Variants in ZNF727 observed in about 807,000 individuals in gnomAD.
ZNF727 encodes zinc finger protein 727.
Under a neutral mutation model 11.5 loss-of-function variants are expected in ZNF727, and 11 were observed. That is an observed-to-expected ratio of 0.95 (90% CI 0.60 to 1.58). The LOEUF (loss-of-function observed/expected upper bound fraction) is 1.58. Among genes scored for constraint, ZNF727 ranks in the 40% most tolerant of loss-of-function variants. The pLI is 0.00. For missense variants in ZNF727, 533 were observed against 581.7 expected, an observed-to-expected ratio of 0.92 and a Z score of 0.86; for synonymous variants, 171 against 196.1, an observed-to-expected ratio of 0.87 and a Z score of 1.07.
In ZNF727 at chr7:64,078,221, C is replaced by T; in HGVS notation, c.1172C>T (p.Thr391Ile). Residue 391 changes from threonine to isoleucine, a missense_variant, in exon 4 of 4, where the codon ACT becomes ATT. Thr to Ile is a moderately conservative substitution (Grantham distance 89). Coordinates refer to ENST00000456806, the MANE Select transcript of ZNF727 (RefSeq NM_001159522.3). The part of the protein sequence containing the change: ...SDLTNHKRIH[T>I]GEKPYKCEEC... ...CTGACTAATCATAAGAGAATTCACA[C>T]TGGAGAGAAACCCTACAAATGTGAA... The T allele has an allele frequency of 1.2e-6, 2 of 1,606,454 alleles. No homozygotes were observed. The highest frequency in any genetic ancestry group is 1.7e-6 in the Non-Finnish European group (2 of 1,176,124).
rs1385989414 is a variant in ZNF727 at position 64,078,351 on chromosome 7, G to A, written c.1302G>A (p.Lys434=). 6.3e-7 allele frequency: 1 copy of A among 1,577,472 alleles called. No homozygotes were observed. Among genetic ancestry groups the A allele is most frequent in the South Asian group, 1.2e-5 (1 of 86,920 alleles). Residue 434 remains lysine, a synonymous_variant, in exon 4 of 4, where the codon AAG becomes AAA. Coordinates refer to ENST00000456806, the MANE Select transcript of ZNF727 (RefSeq NM_001159522.3). ...YKCEECGKTF[K]WFPDLTNHKR... is the part of the protein sequence containing the mutation. ...GTGAAGAATGTGGCAAAACCTTTAA[G>A]TGGTTCCCAGACCTGACTAATCATA... is the stretch of plus-strand genomic sequence containing the variant.
rs181266494 is a variant in ZNF727, at chr7:64,084,660, A to G, written c.*6111A>G. ...ATATGTTTCTGAATTCTGAACAACT[A>G]TTTACAAAATTTTATCCTACTTTTT... On this transcript the variant is annotated 3_prime_UTR_variant, in exon 4 of 4. Transcript: ENST00000456806. Among the ~76,000 whole-genome samples, 68 of 152,286 alleles carry G rather than the reference A, an allele frequency of 4.5e-4. No individual in the cohort carries two copies. Among genetic ancestry groups the G allele is most frequent in the Non-Finnish European group, 7.6e-4 (52 of 67,990 alleles).
intron 1 of ZNF727, among the ~76,000 whole-genome samples, chr7:64,068,329 G>A (rs1375196642): frequency 6.6e-6 from 1 of 152,084 alleles, no homozygotes; most frequent in Non-Finnish European, 1.5e-5. Flanking sequence ...GGAAAGTGAA[G>A]GCTCTCATCT....
intron 3 of ZNF727, among the ~76,000 whole-genome samples, chr7:64,075,064 A>T (rs1039880133): frequency 6.6e-6 from 1 of 152,128 alleles, no homozygotes; most frequent in Non-Finnish European, 1.5e-5. Context: ...GATAATTAAT[A>T]GGCACACCAT....
At chr7:64,073,189 C>T (rs1286754936) in intron 3 of ZNF727, among the ~76,000 whole-genome samples, 1 of 151,174 alleles carries the variant, frequency 6.6e-6, no homozygotes, top group East Asian at 1.9e-4. Context: ...GTTTAAATAA[C>T]CTCTGTATGA....
Position 64,078,282 on chromosome 7 carries a change from T to C in ZNF727, c.1233T>C (p.Leu411=). 6.3e-7 allele frequency: 1 copy of C among 1,593,766 alleles called. No individual in the cohort carries two copies. Among genetic ancestry groups the C allele is most frequent in the Non-Finnish European group, 8.5e-7 (1 of 1,170,006 alleles). ...AAAGCTTTACCTGCTCCTCAAACCT[T>C]ATTAAACACAAGAGAATTCATATGG... ...CGKSFTCSSN[L]IKHKRIHMEV... is the part of the protein sequence containing the mutation. Residue 411 remains leucine, a synonymous_variant, in exon 4 of 4, where the codon CTT becomes CTC. Coordinates refer to ENST00000456806, the MANE Select transcript of ZNF727 (RefSeq NM_001159522.3).
Position 64,069,728 on chromosome 7 carries a change from C to A in ZNF727, c.226+119C>A, listed in dbSNP as rs183805370. ...TCCAGTGGAAATCGTTTCTGAGAAG[C>A]CTTCATTTCTTTCTCTTGCTTTAAC... On this transcript the variant is annotated intron_variant, in intron 3 of 3. Coordinates refer to ENST00000456806, the MANE Select transcript of ZNF727 (RefSeq NM_001159522.3). 3.3e-4 allele frequency: 270 copies of A among 809,532 alleles called. No individual in the cohort carries two copies. The African/African-American group carries it at 4.2e-3, about 13-fold the overall frequency. The allele number at this position is 809,532 out of a possible 1,614,324, so 50.1% of individuals were successfully genotyped here. A position where few individuals can be genotyped will look rare whatever the true frequency, so the allele number is the denominator to read the frequency against.
Position 64,069,522 on chromosome 7 carries a change from A to T in ZNF727, c.139A>T (p.Ile47Phe). The change falls in exon 3 of 4, where the codon ATC (isoleucine) becomes TTC (phenylalanine). Residue 47 changes from isoleucine (I) to phenylalanine (F), a missense_variant. Ile to Phe is a conservative substitution (Grantham distance 21). Coordinates refer to ENST00000456806, the MANE Select transcript of ZNF727 (RefSeq NM_001159522.3). Reference protein sequence around the residue: ...YGNLFSLGLAIFKPDLITYLE... With the variant: ...YGNLFSLGLAFFKPDLITYLE... ...TTTTTCTAATAAAACAGGTCTTGCT[A>T]TCTTTAAGCCAGACTTGATTACCTA... 1 of 1,555,450 alleles carries T rather than the reference A, an allele frequency of 6.4e-7. No individual in the cohort carries two copies. The highest frequency in any genetic ancestry group is 8.7e-7 in the Non-Finnish European group (1 of 1,148,606).
At chr7:64,046,739 A>G (rs1169124536) in intron 1 of ZNF727, among the ~76,000 whole-genome samples, 1 of 152,228 alleles carries the variant, frequency 6.6e-6, no homozygotes, top group South Asian at 2.1e-4. Context: ...CGATTAATAC[A>G]AACAGTTTAT....
In ZNF727 at chr7:64,083,445, C is replaced by T. The variant is rs866234153; in HGVS notation, c.*4896C>T. On this transcript the variant is annotated 3_prime_UTR_variant, in exon 4 of 4. Transcript: ENST00000456806. ...CATCACTGCTCAGCCCCCTGGATTT[C>T]GCCTCTTGCCTATGGGTATGTACAA... Among the ~76,000 whole-genome samples the T allele has an allele frequency of 1.1e-4, 17 of 152,174 alleles. No homozygotes were observed. Among genetic ancestry groups the T allele is most frequent in the South Asian group, 4.1e-4 (2 of 4,828 alleles).
intron 1 of ZNF727, among the ~76,000 whole-genome samples, chr7:64,046,107 C>T (rs1789500008): frequency 6.6e-6 from 1 of 152,156 alleles, no homozygotes; most frequent in Non-Finnish European, 1.5e-5. Flanking sequence ...CCTCCACCTC[C>T]TGGGCTCAGA....
At chr7:64,063,442 C>T (rs571913805) in intron 1 of ZNF727, among the ~76,000 whole-genome samples, 108 of 152,218 alleles carry the variant, frequency 7.1e-4, no homozygotes, top group African/African-American at 2.4e-3. Context: ...CAGGCAGACT[C>T]TTTTTCTATT....
intron 1 of ZNF727, among the ~76,000 whole-genome samples, chr7:64,065,024 T>G (rs887676370): frequency 2.0e-5 from 3 of 152,078 alleles, no homozygotes; most frequent in African/African-American, 7.2e-5. Context: ...TCCCCAGAGT[T>G]TTGGTTCTTA....
At chr7:64,056,489 G>A (rs1395340180) in intron 1 of ZNF727, among the ~76,000 whole-genome samples, 2 of 152,080 alleles carry the variant, frequency 1.3e-5, no homozygotes, top group African/African-American at 2.4e-5. Context: ...ACTTTTATAA[G>A]TTACACAGGC....
chr7:64,050,123 C>A (rs1789568286), intron 1 of ZNF727, among the ~76,000 whole-genome samples: 1 of 151,682 alleles, frequency 6.6e-6, no homozygotes, highest in African/African-American at 2.4e-5. Context: ...TTTATTAAAT[C>A]AACAAACTAG....
intron 3 of ZNF727, among the ~76,000 whole-genome samples, chr7:64,069,893 T>A (rs1340830799): frequency 6.6e-6 from 1 of 152,130 alleles, no homozygotes; most frequent in Non-Finnish European, 1.5e-5. Flanking sequence ...AAAGTCTTTT[T>A]CATGCCTTAA....
intron 1 of ZNF727, among the ~76,000 whole-genome samples, chr7:64,046,371 C>T (rs1789507127): frequency 1.3e-5 from 2 of 152,264 alleles, no homozygotes; most frequent in Admixed American, 1.3e-4. Context: ...GAAGTGTTTT[C>T]CAGCCCAACT....
At chr7:64,063,880 G>A (rs1837341) in intron 1 of ZNF727, among the ~76,000 whole-genome samples, 97,572 of 151,810 alleles carry the variant, frequency 0.64, 31,959 homozygotes, top group Non-Finnish European at 0.7. Context: ...TTTCTCAAGC[G>A]TAAGAAGCCA....
At chr7:64,070,990 T>C (rs1355161008) in intron 3 of ZNF727, among the ~76,000 whole-genome samples, 5 of 152,044 alleles carry the variant, frequency 3.3e-5, no homozygotes, top group Non-Finnish European at 7.4e-5. Flanking sequence ...GTTTTGTATA[T>C]ATACCATGTT....
Sources: gnomAD v4.1 joint callset for allele counts (sites outside exome capture counted in the v4.1 genomes callset) on GRCh38, gnomAD v4.1.1 for gene constraint, MANE v1.5 for transcripts, NCBI Gene and HGNC (gene_info 2026-07-23, HGNC 2026-07-21) for gene names.